Variants in CORO1A observed in about 807,000 individuals in gnomAD.
CORO1A encodes coronin 1A.
A neutral mutation model predicts 44.1 loss-of-function variants in CORO1A; 17 were observed. The ratio of observed to expected loss-of-function variants is 0.39; its 90% CI spans 0.26 to 0.58. The LOEUF is 0.58. Among genes scored for constraint, CORO1A ranks in the 20% least tolerant of loss-of-function variants. The pLI is 0.62. For synonymous variants in CORO1A, 271 were observed against 244.2 expected (o/e 1.11, Z -1.02); for missense variants, 415 against 606.5 (o/e 0.68, Z 3.32).
chr16:30,187,276 C>T (rs1174416132), intron 5 of CORO1A, 53 bp downstream of exon 5: 3 of 1,604,950 alleles, frequency 1.9e-6, no homozygotes, highest in Non-Finnish European at 2.5e-6. Flanking sequence ...TCCTTCTTAT[C>T]CACCATCAGC....
At chr16:30,186,345 C>T (rs1373693962) in intron 2 of CORO1A, 9 of 520,366 alleles carry the variant, frequency 1.7e-5, no homozygotes, top group African/African-American at 7.7e-5. Flanking sequence ...AGACAGAGAC[C>T]GGCGGGAACT....
intron 2 of CORO1A, 44 bp from the exon 3 acceptor site, chr16:30,186,554 G>A: frequency 6.2e-7 from 1 of 1,611,272 alleles, no homozygotes; most frequent in Non-Finnish European, 8.5e-7. Context: ...GTTGGATTGG[G>A]TTTGGGAGGC....
chr16:30,187,621 G>A (rs1215259446), intron 6 of CORO1A, 104 bp from the exon 7 acceptor site: 1 of 1,496,794 alleles, frequency 6.7e-7, no homozygotes, highest in Admixed American at 1.8e-5. Flanking sequence ...CCAGGCGTGA[G>A]ATGGTTGTTC....
At chr16:30,185,108 C>T (rs2073318239) in intron 1 of CORO1A, 101 bp from the exon 2 acceptor site, 2 of 1,166,684 alleles carry the variant, frequency 1.7e-6, no homozygotes, top group South Asian at 1.3e-5. Flanking sequence ...GATGCTGGGA[C>T]CTTAAAAGCC....
In CORO1A at chr16:30,187,804, C is replaced by G. The variant is rs759536346; in HGVS notation, c.836C>G (p.Thr279Ser). The part of the protein sequence containing the change: ...GVLLPFFDPD[T>S]NIVYLCGKGD... The stretch of plus-strand genomic sequence containing the variant: ...CTGCTGCCCTTCTTTGACCCTGACA[C>G]CAACATCGTCTACCTCTGTGGCAAG... The change falls in exon 7 of 11, where the codon ACC becomes AGC. Residue 279 changes from threonine (T) to serine (S), a missense_variant. By Grantham distance (58) the Thr-to-Ser change is moderately conservative. Transcript: ENST00000219150. 6.2e-7 allele frequency: 1 copy of G among 1,607,568 alleles called. No individual in the cohort carries two copies. The highest frequency in any genetic ancestry group is 8.5e-7 in the Non-Finnish European group (1 of 1,178,574).
chr16:30,187,044 GACA>G lies in CORO1A; in HGVS notation c.460_462del (p.Asn154del), dbSNP rs1419951155. On this transcript the variant is annotated inframe_deletion, in exon 5 of 11. Coordinates refer to ENST00000219150, the MANE Select transcript of CORO1A (RefSeq NM_007074.4). ...ACACTGTGGGGAACGTGCAGGTTGT[GACA>G]ACGTGATCATGGTGTGGGACGTGGG... The G allele has an allele frequency of 3.1e-6, 5 of 1,613,930 alleles. No individual in the cohort carries two copies. The highest frequency in any genetic ancestry group is 2.2e-5 in the East Asian group (1 of 44,898).
At position 30,184,530 on chromosome 16, in the gene CORO1A, C is replaced by G. The variant is rs1230934655; in HGVS notation, c.-1-679C>G. On this transcript the variant is annotated intron_variant, in intron 1 of 10. Coordinates refer to ENST00000219150, the MANE Select transcript of CORO1A (RefSeq NM_007074.4). This position sits in a 1 kb window ranked among gnomAD's most constrained non-coding sequence, Gnocchi z 4.3. ...TGGACCTCAGAGCAGTCGGAGTGGCCTCTCCCTTCCTGTGTGCAGTTTACA... is the reference window on the plus strand; with the variant it reads ...TGGACCTCAGAGCAGTCGGAGTGGCGTCTCCCTTCCTGTGTGCAGTTTACA... 2 of 155,834 alleles carry G rather than the reference C, an allele frequency of 1.3e-5. No individual in the cohort carries two copies. Among genetic ancestry groups the G allele is most frequent in the African/African-American group, 4.8e-5 (2 of 41,436 alleles). 9.7% of individuals were successfully genotyped at this position (155,834 alleles called of 1,614,324 possible).
At chr16:30,187,589 ATGG>A in intron 6 of CORO1A, 88 bp downstream of exon 6, 1 of 1,530,296 alleles carries the variant, frequency 6.5e-7, no homozygotes, top group Non-Finnish European at 8.9e-7. Flanking sequence ...ACCTGGCAGG[ATGG>A]CCATGGGCCT....
Position 30,185,338 on chromosome 16 carries a change from C to T in CORO1A, c.129C>T (p.Asn43=), listed in dbSNP as rs1313116900. 2.5e-6 allele frequency: 4 copies of T among 1,614,088 alleles called. No individual in the cohort carries two copies. The highest frequency in any genetic ancestry group is 1.7e-5 in the Admixed American group (1 of 60,006). ...TTWDSGFCAV[N]PKFVALICEA... ...GGGACAGTGGCTTCTGTGCTGTCAACCCTAAGTTTGTGGCCCTGATCTGTG... is the reference window on the plus strand; with the variant it reads ...GGGACAGTGGCTTCTGTGCTGTCAATCCTAAGTTTGTGGCCCTGATCTGTG... The change falls in exon 2 of 11, where the codon AAC becomes AAT. Residue 43 remains asparagine, a synonymous_variant. Coordinates refer to ENST00000219150, the MANE Select transcript of CORO1A (RefSeq NM_007074.4).
At chr16:30,188,334 CCTCA>C (rs1313656862) in intron 9 of CORO1A, 23 bp from the exon 10 acceptor site, 4 of 1,613,156 alleles carry the variant, frequency 2.5e-6, no homozygotes, top group Non-Finnish European at 3.4e-6. Flanking sequence ...TAAGCGCTTT[CCTCA>C]CTATCCCTGG....
chr16:30,185,151 C>G, intron 1 of CORO1A, 58 bp from the exon 2 acceptor site: 2 of 1,556,374 alleles, frequency 1.3e-6, no homozygotes, highest in Non-Finnish European at 1.8e-6. Context: ...AGGTGGGGAC[C>G]ACTGGAAGAT....
At chr16:30,187,903 C>T (rs372809960) in intron 7 of CORO1A, 39 bp from the exon 8 acceptor site, 118 of 1,612,998 alleles carry the variant, frequency 7.3e-5, no homozygotes, top group Admixed American at 1.2e-4. Flanking sequence ...AGTGGGCATC[C>T]GCTGGTATTG....
At position 30,186,932 on chromosome 16, in the gene CORO1A, G is replaced by A. The variant is rs767885527; in HGVS notation, c.438G>A (p.Val146=). The change falls in exon 4 of 11, where the codon GTG becomes GTA. Residue 146 remains valine (V), a synonymous_variant. Transcript: ENST00000219150. ...IVAWHTTAQN[V]LLSAGCDNVI... ...CCTGGCACACCACAGCCCAGAACGT[G>A]CTGCTCAGTGCAGGTGCTGCGGGAG... 2 of 1,612,826 alleles carry A rather than the reference G, an allele frequency of 1.2e-6. No individual in the cohort carries two copies. The highest frequency in any genetic ancestry group is 1.7e-6 in the Non-Finnish European group (2 of 1,179,992).
chr16:30,185,721 G>C, intron 2 of CORO1A: 1 of 442,334 alleles, frequency 2.3e-6, no homozygotes, highest in Middle Eastern at 6.4e-4. Flanking sequence ...GAGGGGGTTG[G>C]GATGGGGTCT....
rs2073366609 is a variant in CORO1A, at chr16:30,188,195, C to G, written c.1011C>G (p.Phe337Leu). The change falls in exon 9 of 11, where the codon TTC becomes TTG. Residue 337 changes from phenylalanine (F) to leucine (L), a missense_variant. By Grantham distance (22) the Phe-to-Leu change is conservative (BLOSUM62 0). This residue lies in a region of CORO1A where 325 missense variants were observed against 521.7 expected (regional missense o/e 0.62). Transcript: ENST00000219150. The part of the protein sequence containing the change: ...LEVNKCEIAR[F>L]YKLHERRCEP... ...GCTCACCTTCCCCTTCCCACAGGTTCTACAAGCTGCACGAGCGGAGGTGTG... is the reference window on the plus strand; with the variant it reads ...GCTCACCTTCCCCTTCCCACAGGTTGTACAAGCTGCACGAGCGGAGGTGTG... 2 of 1,614,032 alleles carry G rather than the reference C, an allele frequency of 1.2e-6. No individual in the cohort carries two copies. Among genetic ancestry groups the G allele is most frequent in the Non-Finnish European group, 1.7e-6 (2 of 1,180,032 alleles).
chr16:30,185,413 C>G lies in CORO1A; in HGVS notation c.198+6C>G, dbSNP rs1445683226. The stretch of plus-strand genomic sequence containing the variant: ...TGGTGCTGCCCCTGGGCAAGGTGAG[C>G]CCCTGGGGCCCTGGGGGGAGCAGCT... On this transcript the variant is annotated splice_donor_region_variant and intron_variant, in intron 2 of 10. Transcript: ENST00000219150. 1 of 1,611,706 alleles carries G rather than the reference C, an allele frequency of 6.2e-7. No individual in the cohort carries two copies. Among genetic ancestry groups the G allele is most frequent in the African/African-American group, 1.3e-5 (1 of 74,894 alleles).
rs1418555111 is a variant in CORO1A, at chr16:30,184,980, G to C, written c.-1-229G>C. 2 of 611,702 alleles carry C rather than the reference G, an allele frequency of 3.3e-6. No individual in the cohort carries two copies. The highest frequency in any genetic ancestry group is 5.9e-6 in the Non-Finnish European group (2 of 341,768). The allele number at this position is 611,702 out of a possible 1,614,324, so 37.9% of individuals were successfully genotyped here. ...GAGGCTGAGGGTACAGATTGAGAGG[G>C]TGGCTCAGAGTGGCCTGGGGCCAGG... On this transcript the variant is annotated intron_variant, in intron 1 of 10. Coordinates refer to ENST00000219150, the MANE Select transcript of CORO1A (RefSeq NM_007074.4). The surrounding 1 kb of genome is among the most constrained non-coding windows in gnomAD (Gnocchi z 4.3).
In CORO1A at chr16:30,187,955, T is replaced by G; in HGVS notation, c.875T>G (p.Ile292Ser). The G allele has an allele frequency of 6.2e-7, 1 of 1,614,036 alleles. No individual in the cohort carries two copies. Among genetic ancestry groups the G allele is most frequent in the Non-Finnish European group, 8.5e-7 (1 of 1,179,986 alleles). The change falls in exon 8 of 11, where the codon ATC becomes AGC. Residue 292 changes from isoleucine to serine, a missense_variant. Around this residue, in one of 2 missense-constraint regions of CORO1A, gnomAD observed 325 missense variants for 521.7 expected, o/e 0.62. Transcript: ENST00000219150. Reference protein sequence around the residue: ...VYLCGKGDSSIRYFEITSEAP... With the variant: ...VYLCGKGDSSSRYFEITSEAP... ...TGCCACCTACAGGGTGACAGCTCAA[T>G]CCGGTACTTTGAGATCACTTCCGAG... is the stretch of plus-strand genomic sequence containing the variant.
Position 30,186,873 on chromosome 16 carries a change from C to G in CORO1A, c.379C>G (p.Leu127Val). 6.2e-7 allele frequency: 1 copy of G among 1,612,386 alleles called. No individual in the cohort carries two copies. Among genetic ancestry groups the G allele is most frequent in the Non-Finnish European group, 8.5e-7 (1 of 1,180,010 alleles). ...MLPLREPVVT[L>V]EGHTKRVGIV... ...GCCCCTGCGGGAGCCCGTCGTCACC[C>G]TGGAGGGCCACACCAAGCGTGTGGG... Residue 127 changes from leucine to valine, a missense_variant, in exon 4 of 11, where the codon CTG becomes GTG. Coordinates refer to ENST00000219150, the MANE Select transcript of CORO1A (RefSeq NM_007074.4).
Sources: allele counts gnomAD v4.1 joint callset, GRCh38; gene constraint gnomAD v4.1.1; regional missense constraint gnomAD v4.1.1; non-coding constraint Gnocchi (gnomAD v3.1); transcripts MANE v1.5; gene names NCBI Gene and HGNC (gene_info 2026-07-23, HGNC 2026-07-21).